Variants in GRIP1 observed in about 807,000 individuals in gnomAD.
GRIP1 encodes the protein glutamate receptor-interacting protein 1.
Under a neutral mutation model 129.9 loss-of-function variants are expected in GRIP1, and 45 were observed. The observed-to-expected ratio is 0.35, with a 90% confidence interval of 0.27 to 0.44. The LOEUF (loss-of-function observed/expected upper bound fraction) is 0.44, where lower values mean the gene tolerates loss of function less well. Among genes scored for constraint, GRIP1 ranks in the 20% least tolerant of loss-of-function variants. The pLI is 1.00. For synonymous variants in GRIP1, 530 were observed against 520.8 expected (o/e 1.02, Z -0.24); for missense variants, 1,196 against 1,396.8 (o/e 0.86, Z 2.29).
chr12:66,727,918 C>G (rs1240789261), intron 1 of GRIP1, among the ~76,000 whole-genome samples: 1 of 152,114 alleles, frequency 6.6e-6, no homozygotes, highest in Non-Finnish European at 1.5e-5. Context: ...TTAATTTGCC[C>G]AAGAGCATGG....
intron 1 of GRIP1, among the ~76,000 whole-genome samples, chr12:66,962,285 A>G (rs562604093): frequency 6.6e-6 from 1 of 152,270 alleles, no homozygotes; most frequent in Non-Finnish European, 1.5e-5. Flanking sequence ...CAGGATTAAT[A>G]TATTATCGTA....
intron 1 of GRIP1, among the ~76,000 whole-genome samples, chr12:66,996,584 AG>A (rs762732691): frequency 1.3e-5 from 2 of 152,124 alleles, no homozygotes; most frequent in South Asian, 2.1e-4. Flanking sequence ...AGAGAAACCC[AG>A]GCCAAACCCA....
At chr12:66,914,708 G>C (rs958204478) in intron 1 of GRIP1, among the ~76,000 whole-genome samples, 1 of 152,166 alleles carries the variant, frequency 6.6e-6, no homozygotes, top group Non-Finnish European at 1.5e-5. Context: ...TGGTGGTTCA[G>C]AGTACATAAA....
At chr12:66,352,625 C>G (rs573271737) in intron 24 of GRIP1, among the ~76,000 whole-genome samples, 1 of 149,306 alleles carries the variant, frequency 6.7e-6, no homozygotes, top group Non-Finnish European at 1.5e-5. Context: ...CCCAGCTACT[C>G]GGGAGGCTGA....
chr12:67,022,695 G>A (rs1347409442), intron 1 of GRIP1, among the ~76,000 whole-genome samples: 2 of 152,074 alleles, frequency 1.3e-5, no homozygotes, highest in Non-Finnish European at 1.5e-5. Flanking sequence ...TAATAATGTT[G>A]AGTATCTTTT....
intron 1 of GRIP1, among the ~76,000 whole-genome samples, chr12:66,646,057 T>C (rs1271290227): frequency 6.6e-6 from 1 of 152,234 alleles, no homozygotes; most frequent in Non-Finnish European, 1.5e-5. Flanking sequence ...GACTCTGCCA[T>C]GGCTTTCTCA....
intron 1 of GRIP1, among the ~76,000 whole-genome samples, chr12:67,014,525 G>T (rs2042755803): frequency 6.6e-6 from 1 of 152,078 alleles, no homozygotes; most frequent in Non-Finnish European, 1.5e-5. Flanking sequence ...CATACATATT[G>T]ATAGCCTGAG....
chr12:66,911,400 C>G (rs372568315), intron 1 of GRIP1, among the ~76,000 whole-genome samples: 3 of 152,212 alleles, frequency 2.0e-5, no homozygotes, highest in African/African-American at 7.2e-5. Flanking sequence ...TCCACTAACC[C>G]TTTCCACAAG....
rs749550037 is a variant in GRIP1 at position 66,455,518 on chromosome 12, G to A, written c.1245C>T (p.Tyr415=). The change falls in exon 11 of 25, where the codon TAC becomes TAT. Residue 415 remains tyrosine, a synonymous_variant. Transcript: ENST00000359742. ...SSFSPTSMSA[Y]SLSSLNMGTL... ...TCCCCATGTTCAGGGAACTCAGGCTGTATGCACTCATGGAGGTAGGAGAGA... is the reference window on the plus strand; with the variant it reads ...TCCCCATGTTCAGGGAACTCAGGCTATATGCACTCATGGAGGTAGGAGAGA... 6.2e-7 allele frequency: 1 copy of A among 1,613,800 alleles called. No homozygotes were observed. The highest frequency in any genetic ancestry group is 2.2e-5 in the East Asian group (1 of 44,892).
At chr12:66,477,199 T>C (rs1048143976) in intron 7 of GRIP1, among the ~76,000 whole-genome samples, 8 of 152,278 alleles carry the variant, frequency 5.3e-5, no homozygotes, top group South Asian at 2.1e-4. Flanking sequence ...ACAAAATCAA[T>C]GTGCAAAAAT....
In GRIP1 at chr12:66,699,786, A is replaced by G. The variant is rs189054766; in HGVS notation, c.-419-69450T>C. 4.1e-3 allele frequency among the ~76,000 whole-genome samples: 624 copies of G among 152,296 alleles called. 8 individuals are homozygous for G. Among genetic ancestry groups the G allele is most frequent in the Non-Finnish European group, 3.9e-3 (262 of 68,016 alleles). On this transcript the variant is annotated intron_variant, in intron 1 of 4. Transcript: ENST00000538373. ...ATGAGAGTTCAAAGGGCTGAATGGC[A>G]CATCCTTACTCACAGGGACTTAAGC... is the stretch of plus-strand genomic sequence containing the variant.
intron 2 of GRIP1, among the ~76,000 whole-genome samples, chr12:66,556,208 G>A (rs2062327543): frequency 6.6e-6 from 1 of 152,044 alleles, no homozygotes. Flanking sequence ...ATAGAATGGA[G>A]CTCCAGTAAA....
chr12:66,972,337 GTTAAAA>G (rs1433622956), intron 1 of GRIP1, among the ~76,000 whole-genome samples: 1 of 152,190 alleles, frequency 6.6e-6, no homozygotes, highest in African/African-American at 2.4e-5. Flanking sequence ...GCACTGAACA[GTTAAAA>G]TTAATAGAAC....
At chr12:66,698,158 A>G (rs1477500513) in intron 1 of GRIP1, among the ~76,000 whole-genome samples, 2 of 152,206 alleles carry the variant, frequency 1.3e-5, no homozygotes, top group African/African-American at 4.8e-5. Context: ...CCAGATATGG[A>G]GGTTCATGAG....
chr12:66,975,986 C>A (rs756744531), intron 1 of GRIP1, among the ~76,000 whole-genome samples: 1 of 152,062 alleles, frequency 6.6e-6, no homozygotes, highest in African/African-American at 2.4e-5. Context: ...TTTTCTCATT[C>A]GAACTAAATA....
intron 1 of GRIP1, among the ~76,000 whole-genome samples, chr12:66,848,222 TTCTC>T (rs146710849): frequency 1.3e-5 from 2 of 151,902 alleles, no homozygotes; most frequent in African/African-American, 2.4e-5. Flanking sequence ...TCCCTTTCTT[TTCTC>T]TCTCTCTCCC....
At chr12:66,449,637 C>A (rs922422647) in intron 11 of GRIP1, among the ~76,000 whole-genome samples, 2 of 152,082 alleles carry the variant, frequency 1.3e-5, no homozygotes, top group African/African-American at 4.8e-5. Flanking sequence ...AGTGTGGTTT[C>A]GCTGATGTAG....
chr12:66,889,486 T>A (rs1210058225), intron 1 of GRIP1, among the ~76,000 whole-genome samples: 1 of 152,104 alleles, frequency 6.6e-6, no homozygotes, highest in East Asian at 1.9e-4. Context: ...AATAATAATT[T>A]CAAAGACTTT....
intron 1 of GRIP1, among the ~76,000 whole-genome samples, chr12:66,840,533 T>C (rs934150543): frequency 6.6e-6 from 1 of 152,242 alleles, no homozygotes; most frequent in African/African-American, 2.4e-5. Flanking sequence ...ATGAGGCATA[T>C]GTAAAAATTC....
Sources: allele counts gnomAD v4.1 joint callset (sites outside exome capture counted in the v4.1 genomes callset), GRCh38; gene constraint gnomAD v4.1.1; transcripts MANE v1.5; gene names NCBI Gene and HGNC (gene_info 2026-07-23, HGNC 2026-07-21).